Variants in SPIDR observed in about 807,000 individuals in gnomAD.
The protein encoded by SPIDR is scaffold protein involved in DNA repair, also known as DNA repair-scaffolding protein.
SPIDR carries 93 observed loss-of-function variants against 104.6 expected under a neutral mutation model. The ratio of observed to expected loss-of-function variants is 0.89; its 90% confidence interval spans 0.75 to 1.06. The LOEUF is 1.06. Ranked by LOEUF, SPIDR falls within the 50% of genes least tolerant of loss-of-function variation. The pLI is 0.00. For missense variants in SPIDR, 1,154 were observed against 1,111.2 expected, an observed-to-expected ratio of 1.04 and a Z score of -0.55; for synonymous variants, 431 against 416.9, an observed-to-expected ratio of 1.03 and a Z score of -0.41.
chr8:47,491,920 C>T (rs1162919362), intron 8 of SPIDR, among the ~76,000 whole-genome samples: 2 of 152,140 alleles, frequency 1.3e-5, no homozygotes, highest in Non-Finnish European at 2.9e-5. Flanking sequence ...GCCGAGGTCT[C>T]TAACCACACA....
chr8:47,333,725 C>T (rs569725051), intron 5 of SPIDR, among the ~76,000 whole-genome samples: 1 of 152,294 alleles, frequency 6.6e-6, no homozygotes, highest in South Asian at 2.1e-4. Flanking sequence ...TGGCAGCATA[C>T]AGTAAGTCTG....
intron 5 of SPIDR, among the ~76,000 whole-genome samples, chr8:47,369,733 A>G (rs2057731475): frequency 6.6e-6 from 1 of 152,248 alleles, no homozygotes; most frequent in Non-Finnish European, 1.5e-5. Flanking sequence ...CTTTGTAGAA[A>G]GGACTTCTTT....
intron 5 of SPIDR, among the ~76,000 whole-genome samples, chr8:47,299,315 T>C (rs1395444367): frequency 2.0e-5 from 3 of 152,246 alleles, no homozygotes; most frequent in African/African-American, 4.8e-5. Context: ...CCTGAGACTT[T>C]GCTGAAGTTG....
At chr8:47,383,486 A>T (rs1356369208) in intron 5 of SPIDR, among the ~76,000 whole-genome samples, 1 of 152,228 alleles carries the variant, frequency 6.6e-6, no homozygotes, top group Non-Finnish European at 1.5e-5. Flanking sequence ...TGCTGTATTA[A>T]CTTAATTTGC....
intron 7 of SPIDR, among the ~76,000 whole-genome samples, chr8:47,413,324 G>A (rs1393345692): frequency 6.6e-6 from 1 of 152,224 alleles, no homozygotes; most frequent in South Asian, 2.1e-4. Context: ...CTCCTCTTTG[G>A]CAGATTGCCT....
intron 5 of SPIDR, among the ~76,000 whole-genome samples, chr8:47,350,603 T>G (rs1212816650): frequency 6.6e-6 from 1 of 152,216 alleles, no homozygotes; most frequent in Non-Finnish European, 1.5e-5. Flanking sequence ...CGTGTGCCAC[T>G]GTGCCTGGCC....
At chr8:47,482,830 T>G (rs528840285) in intron 8 of SPIDR, among the ~76,000 whole-genome samples, 40 of 152,258 alleles carry the variant, frequency 2.6e-4, no homozygotes, top group South Asian at 6.2e-4. Context: ...GTTTTGTTTT[T>G]TTTTGTTTTG....
intron 11 of SPIDR, among the ~76,000 whole-genome samples, chr8:47,687,607 GAATA>G (rs1202969587): frequency 6.6e-6 from 1 of 152,180 alleles, no homozygotes; most frequent in East Asian, 1.9e-4. Flanking sequence ...AATAATAAGT[GAATA>G]AATAAAGCTC....
chr8:47,705,698 G>T (rs998569490), intron 14 of SPIDR, among the ~76,000 whole-genome samples: 4 of 152,124 alleles, frequency 2.6e-5, no homozygotes, highest in African/African-American at 7.2e-5. Flanking sequence ...GAGGCCAGGA[G>T]TTCCAGACCA....
intron 5 of SPIDR, among the ~76,000 whole-genome samples, chr8:47,392,847 G>A (rs193141060): frequency 8.3e-4 from 126 of 152,224 alleles, no homozygotes; most frequent in Non-Finnish European, 1.5e-3. Context: ...TTTATCTTCC[G>A]TTTATTCTTT....
chr8:47,561,787 G>A (rs141831689), intron 8 of SPIDR, among the ~76,000 whole-genome samples: 2 of 152,116 alleles, frequency 1.3e-5, no homozygotes, highest in East Asian at 3.9e-4. Flanking sequence ...GGTTACTATG[G>A]GTCGACATAT....
intron 7 of SPIDR, among the ~76,000 whole-genome samples, chr8:47,428,867 A>C (rs1554687040): frequency 6.6e-6 from 1 of 152,220 alleles, no homozygotes; most frequent in African/African-American, 2.4e-5. Context: ...CTCTGGGGTC[A>C]GGGGAGCTGA....
intron 3 of SPIDR, among the ~76,000 whole-genome samples, chr8:47,290,191 G>T (rs1554567392): frequency 1.3e-5 from 2 of 152,022 alleles, no homozygotes; most frequent in Non-Finnish European, 2.9e-5. Flanking sequence ...ACAGGCACCC[G>T]CAACCACGCC....
At chr8:47,347,348 C>A (rs530655836) in intron 5 of SPIDR, among the ~76,000 whole-genome samples, 51 of 152,130 alleles carry the variant, frequency 3.4e-4, no homozygotes, top group African/African-American at 1.0e-3. Context: ...ACATTTGCTG[C>A]GGAGTGCTTT....
At chr8:47,370,687 G>A (rs1430209602) in intron 5 of SPIDR, among the ~76,000 whole-genome samples, 1 of 151,090 alleles carries the variant, frequency 6.6e-6, no homozygotes, top group Non-Finnish European at 1.5e-5. Flanking sequence ...CCTGACCTTG[G>A]GATCCACCCA....
At chr8:47,491,935 C>T (rs782735827) in intron 8 of SPIDR, among the ~76,000 whole-genome samples, 17 of 152,134 alleles carry the variant, frequency 1.1e-4, no homozygotes, top group Non-Finnish European at 1.9e-4. Context: ...CACACAGCAA[C>T]CTACAATGAT....
At chr8:47,693,263 T>A (rs1263473275) in intron 11 of SPIDR, among the ~76,000 whole-genome samples, 1 of 152,238 alleles carries the variant, frequency 6.6e-6, no homozygotes, top group East Asian at 1.9e-4. Flanking sequence ...ACTCCTTAAT[T>A]ATATACCTAA....
rs2079244165 is a variant in SPIDR at position 47,495,133 on chromosome 8, C to T, written c.1097+54591C>T. On this transcript the variant is annotated intron_variant, in intron 8 of 19. Transcript: ENST00000297423. ...TAGACCAAGAATCTGATTGAAATAA[C>T]ATGGCAACAATATTGCCACCAAGAA... is the stretch of plus-strand genomic sequence containing the variant. 2.0e-5 allele frequency among the ~76,000 whole-genome samples: 3 copies of T among 152,126 alleles called. No homozygotes were observed. The South Asian group carries it at 6.2e-4, about 32-fold the overall frequency.
chr8:47,579,866 C>T (rs1350580107), intron 8 of SPIDR, among the ~76,000 whole-genome samples: 1 of 152,164 alleles, frequency 6.6e-6, no homozygotes, highest in Non-Finnish European at 1.5e-5. Flanking sequence ...CTTCCTTACC[C>T]ATATCCAAGT....
Sources: gnomAD v4.1 joint callset for allele counts (sites outside exome capture counted in the v4.1 genomes callset) on GRCh38, gnomAD v4.1.1 for gene constraint, MANE v1.5 for transcripts, NCBI Gene and HGNC (gene_info 2026-07-23, HGNC 2026-07-21) for gene names.